Variants in C3orf20 observed in about 807,000 individuals in gnomAD.
C3orf20 encodes the protein uncharacterized protein C3orf20.
In C3orf20, 76 loss-of-function variants were observed where a neutral mutation model predicts 88.3. That is an observed-to-expected ratio of 0.86 (90% CI 0.72 to 1.04). C3orf20 has a LOEUF of 1.04. Among genes scored for constraint, C3orf20 ranks in the 50% least tolerant of loss-of-function variants. C3orf20 has a pLI of 0.00. For missense variants in C3orf20, 1,056 were observed against 1,123.3 expected (o/e 0.94, Z 0.86); for synonymous variants, 436 against 437.4 (o/e 1.00, Z 0.04).
intron 11 of C3orf20, among the ~76,000 whole-genome samples, chr3:14,727,596 T>A (rs2034398385): frequency 6.6e-6 from 1 of 152,060 alleles, no homozygotes; most frequent in Admixed American, 6.6e-5. Context: ...CTATTCTGTG[T>A]CACCCCCTGG....
chr3:14,687,156 G>T (rs935680686), intron 4 of C3orf20, among the ~76,000 whole-genome samples: 3 of 152,090 alleles, frequency 2.0e-5, no homozygotes, highest in Non-Finnish European at 4.4e-5. Flanking sequence ...TTTGCAAAAG[G>T]AAAACATGAA....
Position 14,762,419 on chromosome 3 carries a change from G to A in C3orf20, c.2495+804G>A, listed in dbSNP as rs140501449. Among the ~76,000 whole-genome samples the A allele has an allele frequency of 7.9e-4, 121 of 152,318 alleles. No homozygotes were observed. In the East Asian group the frequency reaches 0.016, roughly 20 times the overall value. ...CATCCTAGTCCAGGAAGGAGCCTGC[G>A]CTGCATGAAGCGCCTGAAGACTGCT... is the stretch of plus-strand genomic sequence containing the variant. On this transcript the variant is annotated intron_variant, in intron 15 of 16. Coordinates refer to ENST00000253697, the MANE Select transcript of C3orf20 (RefSeq NM_032137.5).
chr3:14,761,670 G>A (rs1005585172), intron 15 of C3orf20, 55 bp downstream of exon 15: 48 of 1,460,300 alleles, frequency 3.3e-5, no homozygotes, highest in Middle Eastern at 2.1e-4. Flanking sequence ...ATGGAGGGCA[G>A]AAAGGAGACT....
At chr3:14,695,849 G>A (rs747262665) in intron 5 of C3orf20, among the ~76,000 whole-genome samples, 4 of 151,112 alleles carry the variant, frequency 2.6e-5, no homozygotes, top group African/African-American at 4.9e-5. Flanking sequence ...TCTTTTTTTC[G>A]TTCCTTTATT....
intron 9 of C3orf20, among the ~76,000 whole-genome samples, chr3:14,718,779 ATGTT>A (rs995157914): frequency 3.3e-5 from 5 of 152,298 alleles, no homozygotes; most frequent in African/African-American, 1.2e-4. Flanking sequence ...TTCAGTTTTT[ATGTT>A]TGTTTGTTTC....
At chr3:14,690,236 A>G (rs961790857) in intron 5 of C3orf20, 120 bp downstream of exon 5, 31 of 1,368,916 alleles carry the variant, frequency 2.3e-5, no homozygotes, top group Non-Finnish European at 2.9e-5. Context: ...GATTAGAAGG[A>G]TACATAGCGG....
At chr3:14,718,882 G>C (rs1032193096) in intron 9 of C3orf20, among the ~76,000 whole-genome samples, 2 of 152,180 alleles carry the variant, frequency 1.3e-5, no homozygotes, top group African/African-American at 4.8e-5. Context: ...CAGAATTCTG[G>C]CCTCTCCTTC....
chr3:14,681,186 A>T (rs2032069090), intron 1 of C3orf20, among the ~76,000 whole-genome samples: 1 of 152,208 alleles, frequency 6.6e-6, no homozygotes, highest in South Asian at 2.1e-4. Context: ...CCAGCAAAAC[A>T]AGAAAGATGA....
intron 12 of C3orf20, among the ~76,000 whole-genome samples, chr3:14,752,883 A>T (rs529690412): frequency 6.6e-6 from 1 of 152,188 alleles, no homozygotes; most frequent in Non-Finnish European, 1.5e-5. Flanking sequence ...CTTTTACACT[A>T]TTGGTGGGAG....
In C3orf20 at chr3:14,690,044, C is replaced by A. The variant is rs545224682; in HGVS notation, c.673C>A (p.Leu225Met). The A allele has an allele frequency of 1.9e-6, 3 of 1,614,224 alleles. No homozygotes were observed. The highest frequency in any genetic ancestry group is 3.3e-5 in the Admixed American group (2 of 60,028). ...SAIGVNSPYQ[L>M]IYHSSTACLS... ...CATTGGGGTGAACTCGCCTTACCAGCTGATCTACCACTCTTCCACAGCCTG... is the reference window on the plus strand; with the variant it reads ...CATTGGGGTGAACTCGCCTTACCAGATGATCTACCACTCTTCCACAGCCTG... The change falls in exon 5 of 17, where the codon CTG becomes ATG. Residue 225 changes from leucine to methionine, a missense_variant. Physicochemically the swap from Leu to Met is conservative, Grantham distance 15 (BLOSUM62 2). Transcript: ENST00000253697.
At chr3:14,703,411 C>T (rs1040698305) in intron 6 of C3orf20, 149 bp downstream of exon 6, 13 of 1,283,934 alleles carry the variant, frequency 1.0e-5, no homozygotes, top group South Asian at 2.8e-5. Context: ...GTACTCCCCA[C>T]GACAGCCACA....
rs753600113 is a variant in C3orf20 at position 14,727,055 on chromosome 3, A to G, written c.1690+31A>G. 7.4e-6 allele frequency: 12 copies of G among 1,613,354 alleles called. No individual in the cohort carries two copies. In the South Asian group the frequency reaches 8.8e-5, roughly 12 times the overall value. Reference sequence around the variant, plus strand: ...GAGGCTGAAAGGTGGGCGAAGGCCTATCTGTTGGCTTCCCCAGTCCTGAGA... The same window carrying G: ...GAGGCTGAAAGGTGGGCGAAGGCCTGTCTGTTGGCTTCCCCAGTCCTGAGA... On this transcript the variant is annotated intron_variant, in intron 11 of 16. Transcript: ENST00000253697.
intron 12 of C3orf20, among the ~76,000 whole-genome samples, chr3:14,747,659 C>A (rs1228182024): frequency 1.3e-5 from 2 of 152,092 alleles, no homozygotes; most frequent in Non-Finnish European, 2.9e-5. Flanking sequence ...CCACTTTCTA[C>A]CAAAGACAAT....
At chr3:14,713,901 A>G (rs766645600) in intron 7 of C3orf20, 106 bp from the exon 8 acceptor site, 17 of 1,223,838 alleles carry the variant, frequency 1.4e-5, no homozygotes, top group Non-Finnish European at 2.0e-5. Context: ...ATGGAGAATG[A>G]TGCACCAAAT....
intron 1 of C3orf20, among the ~76,000 whole-genome samples, chr3:14,681,960 G>A (rs943256257): frequency 6.6e-6 from 1 of 152,148 alleles, no homozygotes; most frequent in Non-Finnish European, 1.5e-5. Flanking sequence ...ATTTATTATA[G>A]TCCATTGATT....
chr3:14,722,980 C>A (rs565606448), intron 10 of C3orf20, among the ~76,000 whole-genome samples: 1 of 152,312 alleles, frequency 6.6e-6, no homozygotes, highest in Admixed American at 6.5e-5. Flanking sequence ...TATTTGAGCT[C>A]CCCACAGGGC....
At chr3:14,744,398 G>A (rs2035000653) in intron 12 of C3orf20, among the ~76,000 whole-genome samples, 1 of 151,874 alleles carries the variant, frequency 6.6e-6, no homozygotes, top group African/African-American at 2.4e-5. Flanking sequence ...AACATTTTGG[G>A]CAAAGCCATT....
intron 7 of C3orf20, among the ~76,000 whole-genome samples, chr3:14,711,627 C>CTTTTTTT (rs35966332): frequency 4.1e-5 from 3 of 72,588 alleles, no homozygotes; most frequent in Non-Finnish European, 8.2e-5. Flanking sequence ...ATCCTGCCAG[C>CTTTTTTT]TTTTTTTTTT....
chr3:14,702,730 C>T (rs2033325937), intron 5 of C3orf20, among the ~76,000 whole-genome samples: 1 of 152,126 alleles, frequency 6.6e-6, no homozygotes, highest in Non-Finnish European at 1.5e-5. Flanking sequence ...CACGAGCCAC[C>T]ATGCCTGACC....
Sources: gnomAD v4.1 joint callset for allele counts (sites outside exome capture counted in the v4.1 genomes callset) on GRCh38, gnomAD v4.1.1 for gene constraint, MANE v1.5 for transcripts, NCBI Gene and HGNC (gene_info 2026-07-23, HGNC 2026-07-21) for gene names.